The following COL4A3 variants were observed in gnomAD, a reference collection of about 807,000 sequenced individuals.
COL4A3 encodes the protein collagen type IV alpha 3 chain.
Under a neutral mutation model 217.4 loss-of-function variants are expected in COL4A3, and 135 were observed. The ratio of observed to expected loss-of-function variants is 0.62; its 90% confidence interval spans 0.54 to 0.72. COL4A3 has a LOEUF of 0.72. COL4A3 is among the 30% of genes least tolerant of loss of function. The pLI is 0.00. For missense variants in COL4A3, 1,868 were observed against 2,119.9 expected (o/e 0.88, Z 2.33); for synonymous variants, 690 against 736.3 (o/e 0.94, Z 1.02).
intron 9 of COL4A3, among the ~76,000 whole-genome samples, chr2:227,249,425 G>T (rs1287582077): frequency 6.7e-6 from 1 of 149,814 alleles, no homozygotes; most frequent in African/African-American, 2.5e-5. Context: ...TAGTAGAGAT[G>T]GGGTTTCACC....
intron 50 of COL4A3, among the ~76,000 whole-genome samples, chr2:227,310,194 G>A (rs2073688183): frequency 6.6e-6 from 1 of 152,244 alleles, no homozygotes; most frequent in Non-Finnish European, 1.5e-5. Flanking sequence ...GTAAATGCTA[G>A]TGAAGAAGTT....
intron 19 of COL4A3, 33 bp from the exon 20 acceptor site, chr2:227,261,049 T>C: frequency 6.3e-7 from 1 of 1,585,078 alleles, no homozygotes; most frequent in Non-Finnish European, 8.7e-7. Flanking sequence ...TTTATATCTT[T>C]CTAAGCAATT....
intron 1 of COL4A3, among the ~76,000 whole-genome samples, chr2:227,170,162 T>A (rs943946156): frequency 6.6e-6 from 1 of 152,146 alleles, no homozygotes; most frequent in Non-Finnish European, 1.5e-5. Flanking sequence ...TGCTACTGAT[T>A]TTTAATTTTT....
intron 5 of COL4A3, chr2:227,245,640 C>T: frequency 2.3e-6 from 1 of 436,054 alleles, no homozygotes; most frequent in South Asian, 2.2e-5. Context: ...CATCTGTGCA[C>T]ACTTTCCTCT....
intron 1 of COL4A3, among the ~76,000 whole-genome samples, chr2:227,195,406 C>G (rs2066427026): frequency 2.0e-5 from 3 of 152,002 alleles, no homozygotes; most frequent in South Asian, 2.1e-4. Context: ...CAATGGTGGC[C>G]CATAAGATTA....
intron 1 of COL4A3, among the ~76,000 whole-genome samples, chr2:227,223,425 C>T (rs1455387918): frequency 6.6e-6 from 1 of 152,136 alleles, no homozygotes; most frequent in Non-Finnish European, 1.5e-5. Context: ...CAAACATTTA[C>T]ATCATATACT....
chr2:227,188,391 TA>T (rs1011197858), intron 1 of COL4A3, among the ~76,000 whole-genome samples: 12 of 152,100 alleles, frequency 7.9e-5, no homozygotes, highest in African/African-American at 2.9e-4. Context: ...ATAGTCTTTT[TA>T]AAGCTCAGCG....
intron 41 of COL4A3, chr2:227,296,637 A>G: frequency 2.7e-6 from 1 of 376,814 alleles, no homozygotes; most frequent in Non-Finnish European, 3.7e-6. Context: ...CCATCTTGGT[A>G]CTTCAGGTCA....
chr2:227,274,272 A>AATAAATAAATAAATTT (rs1316074521), intron 26 of COL4A3, among the ~76,000 whole-genome samples: 15 of 149,076 alleles, frequency 1.0e-4, no homozygotes, highest in African/African-American at 3.6e-4. Flanking sequence ...TAAATAAATA[A>AATAAATAAATAAATTT]ATTTTAAAAA....
intron 1 of COL4A3, among the ~76,000 whole-genome samples, chr2:227,178,389 GAAAAAGAAAAGA>G (rs898765691): frequency 1.3e-5 from 2 of 151,698 alleles, no homozygotes; most frequent in African/African-American, 2.4e-5. Flanking sequence ...ATCAAAAAAA[GAAAAAGAAAAGA>G]AAAAAGAAAT....
chr2:227,311,737 C>T (rs1287057887), intron 51 of COL4A3, 49 bp from the exon 52 acceptor site: 2 of 1,565,848 alleles, frequency 1.3e-6, no homozygotes, highest in Admixed American at 1.7e-5. Flanking sequence ...AGCAAAAATT[C>T]CCTTTTATGC....
Position 227,280,887 on chromosome 2 carries a change from T to C in COL4A3, c.2375-6T>C, listed in dbSNP as rs781169141. 9.7e-6 allele frequency: 15 copies of C among 1,547,920 alleles called. No individual in the cohort carries two copies. The highest frequency in any genetic ancestry group is 7.3e-5 in the East Asian group (3 of 41,036). ...CCTGGGTATATACTTGTGCTTTCTT[T>C]TGCAGGAGATCCAGGGCAGCCTGGA... is the stretch of plus-strand genomic sequence containing the variant. On this transcript the variant is annotated splice_region_variant and splice_polypyrimidine_tract_variant and intron_variant, in intron 30 of 51. Transcript: ENST00000396578.
At chr2:227,264,058 G>C (rs2070749571) in intron 21 of COL4A3, 114 bp downstream of exon 21, 1 of 1,190,780 alleles carries the variant, frequency 8.4e-7, no homozygotes, top group African/African-American at 1.5e-5. Flanking sequence ...TGGTTTTTAT[G>C]AGTTACCTTT....
chr2:227,280,370 A>T (rs1267814073), intron 29 of COL4A3, 70 bp from the exon 30 acceptor site: 1 of 1,574,984 alleles, frequency 6.3e-7, no homozygotes, highest in African/African-American at 1.3e-5. Flanking sequence ...TAGAGCCTCC[A>T]TAACAGAGAG....
intron 1 of COL4A3, among the ~76,000 whole-genome samples, chr2:227,197,545 A>G (rs751728808): frequency 4.6e-5 from 7 of 152,314 alleles, no homozygotes; most frequent in Admixed American, 2.0e-4. Flanking sequence ...AAAAAAAATC[A>G]CCAAGACCAA....
At chr2:227,265,303 C>G (rs1028455327) in intron 21 of COL4A3, 1 of 152,202 alleles carries the variant, frequency 6.6e-6, no homozygotes, top group Admixed American at 6.5e-5. Flanking sequence ...TTTAAAGATG[C>G]AGAAAACTGA....
intron 1 of COL4A3, among the ~76,000 whole-genome samples, chr2:227,186,598 A>G (rs6704864): frequency 0.17 from 25,913 of 152,148 alleles, 2,381 homozygotes; most frequent in Admixed American, 0.25. Flanking sequence ...GGAGGATGCT[A>G]AGTTTGGTTT....
chr2:227,271,606 G>A (rs1477330296), intron 25 of COL4A3, among the ~76,000 whole-genome samples: 1 of 151,620 alleles, frequency 6.6e-6, no homozygotes, highest in Non-Finnish European at 1.5e-5. Context: ...CTGAGTAGCT[G>A]GGATTACAGG....
At chr2:227,228,437 G>A (rs896603132) in intron 1 of COL4A3, 1 of 152,666 alleles carries the variant, frequency 6.6e-6, no homozygotes, top group East Asian at 1.9e-4. Flanking sequence ...TGGCTGGGCA[G>A]AGGGACTGGC....
Sources: allele counts gnomAD v4.1 joint callset (sites outside exome capture counted in the v4.1 genomes callset), GRCh38; gene constraint gnomAD v4.1.1; transcripts MANE v1.5; gene names NCBI Gene and HGNC (gene_info 2026-07-23, HGNC 2026-07-21).